HMCN1: variants seen among roughly 807,000 people sequenced by gnomAD.
The protein encoded by HMCN1 is hemicentin 1, also known as hemicentin-1.
In HMCN1, 321 loss-of-function variants were observed where a neutral mutation model predicts 625.9. The ratio of observed to expected loss-of-function variants is 0.51; its 90% CI spans 0.47 to 0.56. The LOEUF (loss-of-function observed/expected upper bound fraction) is 0.56. HMCN1 is among the 20% of genes least tolerant of loss of function. HMCN1 has a pLI of 0.00. For missense variants in HMCN1, 6,588 were observed against 6,887.3 expected, an observed-to-expected ratio of 0.96 and a Z score of 1.54; for synonymous variants, 2,425 against 2,417.6, an observed-to-expected ratio of 1.00 and a Z score of -0.09.
chr1:186,163,447 G>T (rs1248551277), intron 97 of HMCN1, among the ~76,000 whole-genome samples: 1 of 152,160 alleles, frequency 6.6e-6, no homozygotes, highest in Non-Finnish European at 1.5e-5. Flanking sequence ...ACTCCCTAGT[G>T]AGATGAACCC....
At chr1:185,911,373 G>A (rs1489109284) in intron 5 of HMCN1, among the ~76,000 whole-genome samples, 1 of 151,960 alleles carries the variant, frequency 6.6e-6, no homozygotes, top group African/African-American at 2.4e-5. Context: ...TATTTCATAA[G>A]GTTTCCAATG....
At chr1:186,096,696 T>C (rs1213079696) in intron 68 of HMCN1, among the ~76,000 whole-genome samples, 1 of 152,106 alleles carries the variant, frequency 6.6e-6, no homozygotes, top group Admixed American at 6.6e-5. Context: ...GATCATTCAC[T>C]CTGATCAAGT....
chr1:186,128,713 T>C (rs1661774032), intron 83 of HMCN1, among the ~76,000 whole-genome samples: 1 of 152,000 alleles, frequency 6.6e-6, no homozygotes, highest in South Asian at 2.1e-4. Context: ...TCAACCTCTA[T>C]TATAGTGTAG....
intron 68 of HMCN1, among the ~76,000 whole-genome samples, chr1:186,097,821 C>A (rs938534746): frequency 2.0e-5 from 3 of 152,056 alleles, no homozygotes; most frequent in African/African-American, 7.2e-5. Context: ...CTGTATTAAT[C>A]AAAACAGCAT....
In HMCN1 at chr1:186,007,181, T is replaced by C. The variant is rs1653694790; in HGVS notation, c.4529T>C (p.Leu1510Ser). ...NVELLDRGQV[L>S]HLKNARRNDK... ...GAACTTCTAGACAGAGGACAAGTCT[T>C]ACATTTAAAGAATGCACGGAGAAAT... The change falls in exon 30 of 107, where the codon TTA becomes TCA. Residue 1510 changes from leucine to serine, a missense_variant. Coordinates refer to ENST00000271588, the MANE Select transcript of HMCN1 (RefSeq NM_031935.3). 7 of 1,613,336 alleles carry C rather than the reference T, an allele frequency of 4.3e-6. No homozygotes were observed. Among genetic ancestry groups the C allele is most frequent in the Non-Finnish European group, 5.9e-6 (7 of 1,179,358 alleles).
At position 185,925,199 on chromosome 1, in the gene HMCN1, C is replaced by T. The variant is rs2102481197; in HGVS notation, c.1430+8C>T. ...AGTAGACCAGTATTTGAAGTAGGTA[C>T]ATGTTTCTGTCAGTAATAAGATTCA... On this transcript the variant is annotated splice_region_variant and intron_variant, in intron 9 of 106. Coordinates refer to ENST00000271588, the MANE Select transcript of HMCN1 (RefSeq NM_031935.3). The T allele has an allele frequency of 6.2e-7, 1 of 1,610,090 alleles. No individual in the cohort carries two copies. Among genetic ancestry groups the T allele is most frequent in the South Asian group, 1.1e-5 (1 of 91,002 alleles).
chr1:186,027,512 A>G (rs770416613), intron 36 of HMCN1, among the ~76,000 whole-genome samples: 1 of 152,222 alleles, frequency 6.6e-6, no homozygotes, highest in South Asian at 2.1e-4. Context: ...TATATTGCCA[A>G]TTAATAACTG....
chr1:185,893,934 G>T (rs997156630), intron 4 of HMCN1, among the ~76,000 whole-genome samples: 10 of 151,954 alleles, frequency 6.6e-5, no homozygotes, highest in African/African-American at 1.7e-4. Context: ...ACTGTCTTCT[G>T]GTCACATGGT....
In HMCN1 at chr1:185,865,784, T is replaced by C. The variant is rs1663152659; in HGVS notation, c.542T>C (p.Ile181Thr). Residue 181 changes from isoleucine to threonine, a missense_variant, in exon 4 of 107, where the codon ATT becomes ACT. Transcript: ENST00000271588. Reference protein sequence around the residue: ...LTGDCDDRTHIGYKVYEEIAS... With the variant: ...LTGDCDDRTHTGYKVYEEIAS... ...GGAGATTGTGATGACAGGACCCATA[T>C]TGGATATAAAGTCTATGAAGAAATT... The C allele has an allele frequency of 2.5e-6, 4 of 1,612,440 alleles. No homozygotes were observed. Among genetic ancestry groups the C allele is most frequent in the African/African-American group, 2.7e-5 (2 of 74,888 alleles).
intron 1 of HMCN1, among the ~76,000 whole-genome samples, chr1:185,810,654 TTGTG>T (rs34235221): frequency 0.24 from 35,233 of 147,446 alleles, 4,149 homozygotes; most frequent in Non-Finnish European, 0.27. Flanking sequence ...AATATCAACT[TTGTG>T]TGTGTGTGTG....
intron 68 of HMCN1, among the ~76,000 whole-genome samples, chr1:186,101,012 A>T (rs546804867): frequency 6.6e-6 from 1 of 152,240 alleles, no homozygotes; most frequent in South Asian, 2.1e-4. Context: ...CATTGGTCAG[A>T]ATTGTCATAT....
rs148467349 is a variant in HMCN1 at position 186,062,581 on chromosome 1, G to A, written c.7494G>A (p.Thr2498=). 3,639 of 1,611,248 alleles carry A rather than the reference G, an allele frequency of 2.3e-3. 21 individuals carry two copies. The highest frequency in any genetic ancestry group is 8.5e-3 in the East Asian group (380 of 44,736). The change falls in exon 48 of 107, where the codon ACG becomes ACA. Residue 2498 remains threonine (T), a synonymous_variant. Coordinates refer to ENST00000271588, the MANE Select transcript of HMCN1 (RefSeq NM_031935.3). ...DVKVKEKQSV[T]LTCEVTGNPV... ...AGGTAAAAGAGAAACAGAGTGTTAC[G>A]CTGACTTGTGAAGTGACAGGTATGG...
chr1:185,763,602 A>G (rs949793029), intron 1 of HMCN1, among the ~76,000 whole-genome samples: 3 of 152,184 alleles, frequency 2.0e-5, no homozygotes, highest in Admixed American at 6.5e-5. Context: ...ACATTTTAAC[A>G]CTGGCTCTGT....
intron 1 of HMCN1, among the ~76,000 whole-genome samples, chr1:185,747,761 A>G (rs941717400): frequency 6.6e-6 from 1 of 152,202 alleles, no homozygotes; most frequent in African/African-American, 2.4e-5. Context: ...ATATTTTGAC[A>G]TTGTATACTC....
At position 186,062,373 on chromosome 1, in the gene HMCN1, A is replaced by G. The variant is rs558493701; in HGVS notation, c.7427-141A>G. On this transcript the variant is annotated intron_variant, in intron 47 of 106. Coordinates refer to ENST00000271588, the MANE Select transcript of HMCN1 (RefSeq NM_031935.3). ...TAGACTTGATCAAAATAATATTATG[A>G]CATTCTAGCAATCAAATAATGAATG... 5 of 673,566 alleles carry G rather than the reference A, an allele frequency of 7.4e-6. No individual in the cohort carries two copies. The African/African-American group carries it at 8.9e-5, about 12-fold the overall frequency. The allele number at this position is 673,566 out of a possible 1,614,324, so 41.7% of individuals were successfully genotyped here.
At chr1:186,056,141 A>C (rs1438015192) in intron 45 of HMCN1, among the ~76,000 whole-genome samples, 1 of 152,018 alleles carries the variant, frequency 6.6e-6, no homozygotes, top group African/African-American at 2.4e-5. Flanking sequence ...ATACACATAC[A>C]CAGGGACAAT....
intron 11 of HMCN1, among the ~76,000 whole-genome samples, chr1:185,935,988 T>A (rs1029504919): frequency 1.3e-5 from 2 of 152,118 alleles, no homozygotes; most frequent in African/African-American, 4.8e-5. Flanking sequence ...AAAGCAGAAA[T>A]AACAAATAGT....
rs762009912 is a variant in HMCN1 at position 185,911,789 on chromosome 1, G to T, written c.900+9G>T. 1.3e-6 allele frequency: 2 copies of T among 1,580,876 alleles called. No individual in the cohort carries two copies. Among genetic ancestry groups the T allele is most frequent in the Non-Finnish European group, 1.7e-6 (2 of 1,149,994 alleles). On this transcript the variant is annotated intron_variant, in intron 6 of 106. Coordinates refer to ENST00000271588, the MANE Select transcript of HMCN1 (RefSeq NM_031935.3). ...GAATGTGGACAGTGAAGGTACGGTTGTTTCACAAAGTTTGTTTATTGTTTT... is the reference window on the plus strand; with the variant it reads ...GAATGTGGACAGTGAAGGTACGGTTTTTTCACAAAGTTTGTTTATTGTTTT...
Position 186,137,783 on chromosome 1 carries a change from A to G in HMCN1, c.13754-19A>G. The G allele has an allele frequency of 6.2e-7, 1 of 1,614,052 alleles. No individual in the cohort carries two copies. The highest frequency in any genetic ancestry group is 1.3e-5 in the African/African-American group (1 of 75,026). On this transcript the variant is annotated intron_variant, in intron 88 of 106. Coordinates refer to ENST00000271588, the MANE Select transcript of HMCN1 (RefSeq NM_031935.3). ...CAATTGAAATATACCTGATGGTGTA[A>G]TGGTTCACCTTTGTATAGTGGATGG...
Sources: allele counts gnomAD v4.1 joint callset (sites outside exome capture counted in the v4.1 genomes callset), GRCh38; gene constraint gnomAD v4.1.1; transcripts MANE v1.5; gene names NCBI Gene and HGNC (gene_info 2026-07-23, HGNC 2026-07-21).